MEAF6: variants seen among roughly 807,000 people sequenced by gnomAD.
MEAF6 encodes the protein chromatin modification-related protein MEAF6.
MEAF6 carries 15 observed loss-of-function variants against 28.9 expected under a neutral mutation model. The observed-to-expected ratio is 0.52, with a 90% CI of 0.35 to 0.80. The LOEUF (loss-of-function observed/expected upper bound fraction) is 0.80. Ranked by LOEUF, MEAF6 falls within the 30% of genes least tolerant of loss-of-function variation. The pLI is 0.01. For synonymous variants in MEAF6, 97 were observed against 88.7 expected, an observed-to-expected ratio of 1.09 and a Z score of -0.53; for missense variants, 178 against 237.5, an observed-to-expected ratio of 0.75 and a Z score of 1.65.
chr1:37,509,761 T>C (rs1319750888), intron 2 of MEAF6, among the ~76,000 whole-genome samples: 3 of 152,110 alleles, frequency 2.0e-5, no homozygotes, highest in Admixed American at 2.0e-4. Context: ...ATTTTTTAAA[T>C]TTATTTATTT....
At chr1:37,509,777 C>CTTAT (rs1328536513) in intron 2 of MEAF6, among the ~76,000 whole-genome samples, 4 of 151,948 alleles carry the variant, frequency 2.6e-5, no homozygotes, top group Admixed American at 2.0e-4. Context: ...TATTTATTTA[C>CTTAT]TTATTTATTT....
At chr1:37,509,026 G>A (rs1014706244) in intron 4 of MEAF6, among the ~76,000 whole-genome samples, 6 of 152,218 alleles carry the variant, frequency 3.9e-5, no homozygotes, top group African/African-American at 1.2e-4. Context: ...GAGCCTAGGA[G>A]TTTGAGGCTG....
chr1:37,513,129 C>T (rs1642721539), intron 2 of MEAF6, among the ~76,000 whole-genome samples: 1 of 152,200 alleles, frequency 6.6e-6, no homozygotes, highest in African/African-American at 2.4e-5. Flanking sequence ...GAGGGTAGAA[C>T]TCATGACTGA....
At chr1:37,506,270 C>CA (rs200220342) in intron 4 of MEAF6, among the ~76,000 whole-genome samples, 29,070 of 124,780 alleles carry the variant, frequency 0.23, 3,186 homozygotes, top group East Asian at 0.36. Flanking sequence ...GACTCCGTCT[C>CA]AAAAAAAAAA....
chr1:37,506,575 G>A (rs1301943093), intron 4 of MEAF6, among the ~76,000 whole-genome samples: 6 of 151,982 alleles, frequency 3.9e-5, no homozygotes, highest in Non-Finnish European at 5.9e-5. Context: ...GTAGAGATAG[G>A]GTCCACTATG....
Position 37,495,713 on chromosome 1 carries a change from AAAAAAAC to A in MEAF6, c.567+165_567+171del, listed in dbSNP as rs1557603972. 2.7e-3 allele frequency among the ~76,000 whole-genome samples: 368 copies of A among 134,052 alleles called. 6 individuals are homozygous for A. The highest frequency in any genetic ancestry group is 9.0e-3 in the African/African-American group (345 of 38,308). The allele number at this position is 134,052 out of a possible 152,430, so 87.9% of individuals were successfully genotyped here. A position where few individuals can be genotyped will look rare whatever the true frequency, so the allele number is the denominator to read the frequency against. ...AAAAAAAAACAAAAAACAAAAAAAA[AAAAAAAC>A]AAAAAAACCACCTAAAAGTTGAAGT... is the stretch of plus-strand genomic sequence containing the variant. On this transcript the variant is annotated intron_variant, in intron 6 of 6. Coordinates refer to ENST00000296214, the MANE Select transcript of MEAF6 (RefSeq NM_001270875.3).
intron 4 of MEAF6, among the ~76,000 whole-genome samples, chr1:37,508,868 G>T (rs938080449): frequency 1.3e-5 from 2 of 152,178 alleles, no homozygotes; most frequent in African/African-American, 4.8e-5. Flanking sequence ...AGGCTCAAGT[G>T]GGAGGATTAT....
intron 2 of MEAF6, among the ~76,000 whole-genome samples, chr1:37,513,062 C>T (rs1241925056): frequency 2.0e-5 from 3 of 151,944 alleles, no homozygotes; most frequent in Non-Finnish European, 2.9e-5. Flanking sequence ...TGGTGGCACG[C>T]ACCTGTAATC....
chr1:37,509,383 A>C, intron 3 of MEAF6, 60 bp from the exon 4 acceptor site: 2 of 1,604,570 alleles, frequency 1.2e-6, no homozygotes, highest in Non-Finnish European at 1.7e-6. Flanking sequence ...GAGCACTCCC[A>C]GAGGAAGGTA....
At chr1:37,496,570 A>T (rs768192234) in intron 5 of MEAF6, 19 of 1,423,562 alleles carry the variant, frequency 1.3e-5, no homozygotes, top group South Asian at 4.7e-5. Context: ...TTCTGTTTTT[A>T]AAAAAAACTT....
chr1:37,513,309 G>C lies in MEAF6; in HGVS notation c.206+114C>G. 3 of 733,674 alleles carry C rather than the reference G, an allele frequency of 4.1e-6. No individual in the cohort carries two copies. In the South Asian group the frequency reaches 4.9e-5, roughly 12 times the overall value. 45.4% of individuals were successfully genotyped at this position (733,674 alleles called of 1,614,324 possible). ...GCCAGAGTCCAAGAGTTCAAGTCCA[G>C]ATCACACCACTACTTTACTACTGCC... On this transcript the variant is annotated intron_variant, in intron 2 of 6. Coordinates refer to ENST00000296214, the MANE Select transcript of MEAF6 (RefSeq NM_001270875.3).
intron 6 of MEAF6, among the ~76,000 whole-genome samples, chr1:37,494,515 C>T (rs1334244213): frequency 2.4e-5 from 2 of 82,242 alleles, no homozygotes; most frequent in Non-Finnish European, 2.2e-5. Context: ...AACTCTGTTT[C>T]AAAAAAAAAA....
chr1:37,507,320 CAAA>C (rs34471655), intron 4 of MEAF6, among the ~76,000 whole-genome samples: 9 of 137,660 alleles, frequency 6.5e-5, no homozygotes, highest in African/African-American at 8.3e-5. Context: ...AACTCTGCCT[CAAA>C]AAAAAAAAAA....
Position 37,490,435 on chromosome 1 carries a change from A to G in MEAF6, c.*3664T>C, listed in dbSNP as rs116429315. The stretch of plus-strand genomic sequence containing the variant: ...ACATCACCTTCCTAGGCACTATGAC[A>G]CTATCCTGGGAGAAGCAAATGTGTA... On this transcript the variant is annotated 3_prime_UTR_variant, in exon 7 of 7. Coordinates refer to ENST00000296214, the MANE Select transcript of MEAF6 (RefSeq NM_001270875.3). 5.2e-3 allele frequency among the ~76,000 whole-genome samples: 797 copies of G among 152,208 alleles called. 6 individuals are homozygous for G. The highest frequency in any genetic ancestry group is 0.018 in the African/African-American group (730 of 41,534).
rs763674609 is a variant in MEAF6 at position 37,514,762 on chromosome 1, G to T, written c.-16C>A. The T allele has an allele frequency of 4.2e-6, 6 of 1,432,792 alleles. No homozygotes were observed. The highest frequency in any genetic ancestry group is 5.5e-6 in the Non-Finnish European group (6 of 1,091,292). The allele number at this position is 1,432,792 out of a possible 1,614,324, so 88.8% of individuals were successfully genotyped here. On this transcript the variant is annotated 5_prime_UTR_variant, in exon 1 of 7. Coordinates refer to ENST00000296214, the MANE Select transcript of MEAF6 (RefSeq NM_001270875.3). ...GCATCGCCATGTTGGGCTGAGGCGGGCGGCGGCGGCGCGAGGTTGGGGGCG... is the reference window on the plus strand; with the variant it reads ...GCATCGCCATGTTGGGCTGAGGCGGTCGGCGGCGGCGCGAGGTTGGGGGCG...
At chr1:37,495,697 C>CAAAAAAAAAAAAAAAA (rs1373520573) in intron 6 of MEAF6, among the ~76,000 whole-genome samples, 188 bp downstream of exon 6, 3 of 92,706 alleles carry the variant, frequency 3.2e-5, no homozygotes, top group Admixed American at 1.1e-4. Context: ...AAAAAAAAAA[C>CAAAAAAAAAAAAAAAA]AAAAAACAAA....
intron 5 of MEAF6, among the ~76,000 whole-genome samples, chr1:37,498,604 T>G (rs1390325054): frequency 3.3e-5 from 5 of 151,714 alleles, no homozygotes; most frequent in Non-Finnish European, 7.4e-5. Context: ...ATTACTGTGT[T>G]TTTTTGTAGA....
chr1:37,496,658 G>A (rs201796498), intron 5 of MEAF6: 8 of 1,548,370 alleles, frequency 5.2e-6, no homozygotes, highest in African/African-American at 2.7e-5. Context: ...AGGCATACTG[G>A]TGTCTACACA....
At position 37,497,227 on chromosome 1, in the gene MEAF6, G is replaced by GGTTT. The variant is rs144815094; in HGVS notation, c.534-1313_534-1310dup. On this transcript the variant is annotated intron_variant, in intron 5 of 6. Coordinates refer to ENST00000296214, the MANE Select transcript of MEAF6 (RefSeq NM_001270875.3). ...CACAAATTTTTACTCAAGTTATATG[G>GGTTT]GTTTGTTTGTTTGTTTGTTTGTTTG... Among the ~76,000 whole-genome samples, 644 of 151,696 alleles carry GGTTT rather than the reference G, an allele frequency of 4.2e-3. 4 individuals are homozygous for GGTTT. The highest frequency in any genetic ancestry group is 0.01 in the African/African-American group (426 of 41,366).
Sources: allele counts gnomAD v4.1 joint callset (sites outside exome capture counted in the v4.1 genomes callset), GRCh38; gene constraint gnomAD v4.1.1; transcripts MANE v1.5; gene names NCBI Gene and HGNC (gene_info 2026-07-23, HGNC 2026-07-21).